XRCC2: variants seen among roughly 807,000 people sequenced by gnomAD.
The protein encoded by XRCC2 is X-ray repair cross complementing 2, also known as DNA repair protein XRCC2.
Under a neutral mutation model 27.3 loss-of-function variants are expected in XRCC2, and 24 were observed. The observed-to-expected ratio is 0.88, with a 90% confidence interval of 0.64 to 1.24. The LOEUF (loss-of-function observed/expected upper bound fraction) is 1.24. Among genes scored for constraint, XRCC2 ranks in the 50% most tolerant of loss-of-function variants. The pLI is 0.00. For missense variants in XRCC2, 321 were observed against 325.8 expected, an observed-to-expected ratio of 0.99 and a Z score of 0.11; for synonymous variants, 106 against 115.4, an observed-to-expected ratio of 0.92 and a Z score of 0.52.
At chr7:152,672,482 G>A (rs952113654) in intron 1 of XRCC2, among the ~76,000 whole-genome samples, 3 of 152,146 alleles carry the variant, frequency 2.0e-5, no homozygotes, top group African/African-American at 7.2e-5. Context: ...AAGTATATGA[G>A]CTGTAAGGGA....
intron 1 of XRCC2, among the ~76,000 whole-genome samples, chr7:152,668,256 C>A (rs1483444773): frequency 6.6e-6 from 1 of 152,032 alleles, no homozygotes; most frequent in African/African-American, 2.4e-5. Flanking sequence ...ATGAATCATC[C>A]CTTTGTCCAG....
intron 2 of XRCC2, among the ~76,000 whole-genome samples, chr7:152,656,647 T>C (rs2098030804): frequency 6.6e-6 from 1 of 152,236 alleles, no homozygotes; most frequent in African/African-American, 2.4e-5. Context: ...AACGTTTCTA[T>C]AATATAATAT....
In XRCC2 at chr7:152,676,066, AAGGCACTAC is replaced by A; in HGVS notation, c.5_13del (p.Cys2_Ala4del). ...CTCGGTCCCAGACTCAGCCCTATGGAAGGCACTACACATCGCCCCGAAGGCTCGGCGCAG... is the reference window on the plus strand; with the variant it reads ...CTCGGTCCCAGACTCAGCCCTATGGAACATCGCCCCGAAGGCTCGGCGCAG... On this transcript the variant is annotated inframe_deletion, in exon 1 of 3. Transcript: ENST00000359321. The A allele has an allele frequency of 6.2e-7, 1 of 1,613,816 alleles. No individual in the cohort carries two copies. The highest frequency in any genetic ancestry group is 8.5e-7 in the Non-Finnish European group (1 of 1,179,792).
At chr7:152,664,560 C>T (rs2098034770) in intron 1 of XRCC2, among the ~76,000 whole-genome samples, 2 of 152,226 alleles carry the variant, frequency 1.3e-5, no homozygotes, top group African/African-American at 4.8e-5. Flanking sequence ...CCCAACCCTA[C>T]ACCATTCTCG....
At chr7:152,662,961 G>A (rs1351461846) in intron 1 of XRCC2, among the ~76,000 whole-genome samples, 3 of 152,108 alleles carry the variant, frequency 2.0e-5, no homozygotes, top group African/African-American at 4.8e-5. Flanking sequence ...ACAGGCGTTC[G>A]TTGAATTTCT....
intron 1 of XRCC2, among the ~76,000 whole-genome samples, chr7:152,662,218 G>A (rs1457961899): frequency 6.6e-6 from 1 of 152,022 alleles, no homozygotes; most frequent in Non-Finnish European, 1.5e-5. Flanking sequence ...CGCTCCCATC[G>A]GCCTCCCAAT....
chr7:152,648,660 A>C lies in XRCC2; in HGVS notation c.825T>G (p.Ser275Arg), dbSNP rs770438650. The change falls in exon 3 of 3, where the codon AGT (serine) becomes AGG (arginine). Residue 275 changes from serine to arginine, a missense_variant. Physicochemically the swap from Ser to Arg is moderately radical, Grantham distance 110. Transcript: ENST00000359321. ...ATGTATATCAACAAAATTCAACCCC[A>C]CTTTCTCCAATAATAAAAAAATGTT... ...LKKHFFIIGE[S>R]GVEFC The C allele has an allele frequency of 3.6e-5, 58 of 1,603,630 alleles. No individual in the cohort carries two copies. The highest frequency in any genetic ancestry group is 7.7e-6 in the Non-Finnish European group (9 of 1,175,838).
Position 152,644,866 on chromosome 7 carries a change from G to C in XRCC2, c.*3776C>G, listed in dbSNP as rs2098025045. 1 of 152,180 alleles carries C rather than the reference G, an allele frequency of 6.6e-6. No homozygotes were observed. Among genetic ancestry groups the C allele is most frequent in the Non-Finnish European group, 1.5e-5 (1 of 68,044 alleles). 9.4% of individuals were successfully genotyped at this position (152,180 alleles called of 1,614,324 possible). On this transcript the variant is annotated 3_prime_UTR_variant, in exon 3 of 3. Transcript: ENST00000359321. Reference sequence around the variant, plus strand: ...AAAATGTCAAATCCTGGAAAATGTAGTATTCCTACACGTGATGTTAACATC... The same window carrying C: ...AAAATGTCAAATCCTGGAAAATGTACTATTCCTACACGTGATGTTAACATC...
At chr7:152,667,493 T>C (rs1590137230) in intron 1 of XRCC2, among the ~76,000 whole-genome samples, 2 of 151,914 alleles carry the variant, frequency 1.3e-5, no homozygotes, top group African/African-American at 4.8e-5. Context: ...TCCTCTTAGT[T>C]ACCCACAAGG....
chr7:152,649,404 C>T, intron 2 of XRCC2, 41 bp from the exon 3 acceptor site: 1 of 1,512,742 alleles, frequency 6.6e-7, no homozygotes, highest in Non-Finnish European at 8.8e-7. Context: ...TGCAGTAGCT[C>T]AAGGGTAGGT....
At chr7:152,657,015 T>A (rs947167584) in intron 2 of XRCC2, among the ~76,000 whole-genome samples, 2 of 151,980 alleles carry the variant, frequency 1.3e-5, no homozygotes, top group Admixed American at 6.6e-5. Context: ...GGTGGGCGAA[T>A]CACCTGAGGT....
At chr7:152,649,824 C>T (rs1279171863) in intron 2 of XRCC2, among the ~76,000 whole-genome samples, 1 of 152,166 alleles carries the variant, frequency 6.6e-6, no homozygotes. Context: ...ACACAGCTGT[C>T]GCCAGTGAGA....
intron 1 of XRCC2, among the ~76,000 whole-genome samples, chr7:152,661,171 G>GA (rs2098032944): frequency 1.3e-5 from 2 of 152,094 alleles, no homozygotes. Flanking sequence ...GGATTTGGAA[G>GA]AAAATATGAA....
chr7:152,660,553 CT>C, intron 2 of XRCC2, 147 bp downstream of exon 2: 1 of 594,506 alleles, frequency 1.7e-6, no homozygotes, highest in Non-Finnish European at 2.7e-6. Context: ...AGCTTAAAAG[CT>C]TTCTGTCACA....
In XRCC2 at chr7:152,656,762, T is replaced by A. The variant is rs536020237; in HGVS notation, c.121+3939A>T. Among the ~76,000 whole-genome samples the A allele has an allele frequency of 2.6e-5, 4 of 152,364 alleles. No individual in the cohort carries two copies. The South Asian group carries it at 8.3e-4, about 32-fold the overall frequency. ...TACAGAGAGAGTACAAAGACCATTCTGTTTTTTGTCTTACATATTTGATCA... is the reference window on the plus strand; with the variant it reads ...TACAGAGAGAGTACAAAGACCATTCAGTTTTTTGTCTTACATATTTGATCA... On this transcript the variant is annotated intron_variant, in intron 2 of 2. Coordinates refer to ENST00000359321, the MANE Select transcript of XRCC2 (RefSeq NM_005431.2).
At chr7:152,676,010 T>A in intron 1 of XRCC2, 31 bp downstream of exon 1, 2 of 1,613,048 alleles carry the variant, frequency 1.2e-6, no homozygotes, top group East Asian at 4.5e-5. Context: ...CTTGTTCCCA[T>A]CTCCCTCACT....
At chr7:152,651,005 T>G (rs2098028299) in intron 2 of XRCC2, among the ~76,000 whole-genome samples, 1 of 152,168 alleles carries the variant, frequency 6.6e-6, no homozygotes, top group Non-Finnish European at 1.5e-5. Context: ...AGTGGTTCAA[T>G]CTTGGCTTAC....
intron 1 of XRCC2, among the ~76,000 whole-genome samples, chr7:152,670,633 CTG>C (rs1309145702): frequency 6.6e-6 from 1 of 151,908 alleles, no homozygotes; most frequent in Non-Finnish European, 1.5e-5. Context: ...AAGTCTCACT[CTG>C]TCACCCAGGC....
chr7:152,655,975 T>C (rs1479108613), intron 2 of XRCC2, among the ~76,000 whole-genome samples: 4 of 151,970 alleles, frequency 2.6e-5, no homozygotes, highest in African/African-American at 9.7e-5. Flanking sequence ...AGACTCTGTG[T>C]CAAAACAAAA....
Sources: gnomAD v4.1 joint callset for allele counts (sites outside exome capture counted in the v4.1 genomes callset) on GRCh38, gnomAD v4.1.1 for gene constraint, MANE v1.5 for transcripts, NCBI Gene and HGNC (gene_info 2026-07-23, HGNC 2026-07-21) for gene names.